Variants in CHRNA2 observed in about 807,000 individuals in gnomAD.
CHRNA2 encodes the protein neuronal acetylcholine receptor subunit alpha-2.
In CHRNA2, 40 loss-of-function variants were observed where a neutral mutation model predicts 45.5. That is an observed-to-expected ratio of 0.88 (90% confidence interval 0.68 to 1.15). CHRNA2 has a LOEUF of 1.15. Among genes scored for constraint, CHRNA2 ranks in the 50% most tolerant of loss-of-function variants. The probability of loss-of-function intolerance (pLI) is 0.00; values close to 1 mark genes in which losing one functional copy is unlikely to be tolerated. For synonymous variants in CHRNA2, 301 were observed against 296.7 expected (o/e 1.01, Z -0.15); for missense variants, 655 against 701.7 (o/e 0.93, Z 0.75).
In CHRNA2 at chr8:27,463,868, A is replaced by G; in HGVS notation, c.575T>C (p.Phe192Ser). The change falls in exon 6 of 7, where the codon TTC becomes TCC. Residue 192 changes from phenylalanine to serine, a missense_variant. Physicochemically the swap from Phe to Ser is radical, Grantham distance 155. Transcript: ENST00000407991. The surrounding 1 kb of genome is among the most constrained non-coding windows in gnomAD (Gnocchi z 6.1). The stretch of plus-strand genomic sequence containing the variant: ...CTTCATCTTGCAGTTCTGCTGGTCG[A>G]AGGGGAAGAAGGTGACGTCGATGCT... ...SCSIDVTFFP[F>S]DQQNCKMKFG... is the part of the protein sequence containing the mutation. 1 of 1,614,166 alleles carries G rather than the reference A, an allele frequency of 6.2e-7. No homozygotes were observed. The highest frequency in any genetic ancestry group is 8.5e-7 in the Non-Finnish European group (1 of 1,180,030).
At chr8:27,470,085 G>T in intron 2 of CHRNA2, 104 bp from the exon 3 acceptor site, 1 of 1,094,782 alleles carries the variant, frequency 9.1e-7, no homozygotes, top group Non-Finnish European at 1.3e-6. Flanking sequence ...GTTGAAGATG[G>T]CAGATGATAA....
Position 27,470,879 on chromosome 8 carries a change from C to T in CHRNA2, c.73+107G>A, listed in dbSNP as rs1563323791. 4 of 1,198,690 alleles carry T rather than the reference C, an allele frequency of 3.3e-6. No homozygotes were observed. The East Asian group carries it at 7.5e-5, about 23-fold the overall frequency. The allele number at this position is 1,198,690 out of a possible 1,614,324, so 74.3% of individuals were successfully genotyped here. On this transcript the variant is annotated intron_variant, in intron 2 of 6. Transcript: ENST00000407991. ...CCTGGCTGATGGCCTCTGAAGTCCCCTGCAGCTTTGACGGTTGCAACACAT... is the reference window on the plus strand; with the variant it reads ...CCTGGCTGATGGCCTCTGAAGTCCCTTGCAGCTTTGACGGTTGCAACACAT...
chr8:27,463,661 A>C lies in CHRNA2; in HGVS notation c.782T>G (p.Ile261Ser). The C allele has an allele frequency of 6.2e-7, 1 of 1,614,118 alleles. No individual in the cohort carries two copies. The highest frequency in any genetic ancestry group is 8.5e-7 in the Non-Finnish European group (1 of 1,180,024). ...GGTGTAGAAGAGCGGCAGCCGCCGGATGACGAAGGCGTAGGTGACGTCGGG... is the reference window on the plus strand; with the variant it reads ...GGTGTAGAAGAGCGGCAGCCGCCGGCTGACGAAGGCGTAGGTGACGTCGGG... ...IYPDVTYAFV[I>S]RRLPLFYTIN... The change falls in exon 6 of 7, where the codon ATC becomes AGC. Residue 261 changes from isoleucine (I) to serine (S), a missense_variant. Coordinates refer to ENST00000407991, the MANE Select transcript of CHRNA2 (RefSeq NM_000742.4). This position sits in a 1 kb window ranked among gnomAD's most constrained non-coding sequence, Gnocchi z 6.1.
chr8:27,470,095 A>C (rs917609296), intron 2 of CHRNA2, 114 bp from the exon 3 acceptor site: 52 of 1,010,714 alleles, frequency 5.1e-5, no homozygotes, highest in South Asian at 1.1e-4. Context: ...GCAGATGATA[A>C]TGTCTATCAG....
At chr8:27,469,647 CCCAAGTCACTGCTG>C in intron 3 of CHRNA2, 100 bp downstream of exon 3, 1 of 1,367,956 alleles carries the variant, frequency 7.3e-7, no homozygotes. Context: ...CCAACCCCAC[CCCAAGTCACTGCTG>C]TGCGTGAGGG....
intron 1 of CHRNA2, among the ~76,000 whole-genome samples, chr8:27,474,441 A>T (rs1297413845): frequency 3.3e-5 from 5 of 152,092 alleles, no homozygotes; most frequent in Non-Finnish European, 7.4e-5. Context: ...CCTACACCCC[A>T]TCCTGCCCTG....
intron 4 of CHRNA2, 116 bp from the exon 5 acceptor site, chr8:27,467,454 G>C: frequency 2.6e-6 from 2 of 767,212 alleles, no homozygotes; most frequent in African/African-American, 3.4e-5. Flanking sequence ...GAGCAGCCAG[G>C]GCTCCCCACC....
intron 2 of CHRNA2, among the ~76,000 whole-genome samples, chr8:27,470,671 G>A (rs1282009175): frequency 6.6e-6 from 1 of 152,250 alleles, no homozygotes; most frequent in Admixed American, 6.5e-5. Flanking sequence ...TGTCCCGAGT[G>A]CCTCCTGTAT....
chr8:27,467,942 A>C (rs1031377402), intron 4 of CHRNA2, among the ~76,000 whole-genome samples: 1 of 152,102 alleles, frequency 6.6e-6, no homozygotes, highest in African/African-American at 2.4e-5. Flanking sequence ...CCACCGACGC[A>C]GGTCCAAATC....
chr8:27,473,718 A>C (rs1182662178), intron 1 of CHRNA2, among the ~76,000 whole-genome samples: 1 of 152,104 alleles, frequency 6.6e-6, no homozygotes, highest in Non-Finnish European at 1.5e-5. Context: ...AAAAGAAAAT[A>C]AAAATAAAAG....
Position 27,459,984 on chromosome 8 carries a change from G to T in CHRNA2, c.*1645C>A, listed in dbSNP as rs1024281675. ...AGACCAGATGTGCCATGAGCAGGGG[G>T]GTTGTGGGAGAGAAGTGAGGCATGG... On this transcript the variant is annotated 3_prime_UTR_variant, in exon 7 of 7. Coordinates refer to ENST00000407991, the MANE Select transcript of CHRNA2 (RefSeq NM_000742.4). 2 of 152,828 alleles carry T rather than the reference G, an allele frequency of 1.3e-5. No individual in the cohort carries two copies. The highest frequency in any genetic ancestry group is 2.9e-5 in the Non-Finnish European group (2 of 68,544). The allele number at this position is 152,828 out of a possible 1,614,324, so 9.5% of individuals were successfully genotyped here. A position where few individuals can be genotyped will look rare whatever the true frequency, so the allele number is the denominator to read the frequency against.
chr8:27,471,127 A>T lies in CHRNA2; in HGVS notation c.-69T>A. On this transcript the variant is annotated 5_prime_UTR_variant, in exon 2 of 7. Transcript: ENST00000407991. ...GGGTTGCACCATGGACCATGTCCCC[A>T]GCAGAGCTGCTGCTGGATTCTGTGA... The T allele has an allele frequency of 7.1e-7, 1 of 1,411,336 alleles. No homozygotes were observed. 87.4% of individuals were successfully genotyped at this position (1,411,336 alleles called of 1,614,324 possible).
In CHRNA2 at chr8:27,461,145, C is replaced by T. The variant is rs998750870; in HGVS notation, c.*484G>A. 10 of 186,408 alleles carry T rather than the reference C, an allele frequency of 5.4e-5. No homozygotes were observed. In the South Asian group the frequency reaches 9.1e-4, roughly 17 times the overall value. The allele number at this position is 186,408 out of a possible 1,614,324, so 11.5% of individuals were successfully genotyped here. A position where few individuals can be genotyped will look rare whatever the true frequency, so the allele number is the denominator to read the frequency against. On this transcript the variant is annotated 3_prime_UTR_variant, in exon 7 of 7. Transcript: ENST00000407991. ...GAGACCTCACCTGGCTCTCCAACCT[C>T]CCACCTCACCTGGCTGTTCTCCCTG...
At chr8:27,464,833 G>T (rs1041198296) in intron 5 of CHRNA2, among the ~76,000 whole-genome samples, 17 of 152,128 alleles carry the variant, frequency 1.1e-4, no homozygotes, top group Admixed American at 8.5e-4. Context: ...CCAGAGCTGT[G>T]CAGAAGAGGA....
chr8:27,463,191 C>A lies in CHRNA2; in HGVS notation c.1252G>T (p.Glu418Ter). The change falls in exon 6 of 7, where the codon GAG (glutamate) becomes TAG (stop). Residue 418 changes from glutamate to a stop codon, truncating the protein, a stop_gained. Coordinates refer to ENST00000407991, the MANE Select transcript of CHRNA2 (RefSeq NM_000742.4). LOFTEE classifies it high-confidence loss of function. This position sits in a 1 kb window ranked among gnomAD's most constrained non-coding sequence, Gnocchi z 6.1. ...GCACATGCCCATCTGTCCTCCTCCT[C>A]CACCACCACCTCCCTCTCCTCGGCA... is the stretch of plus-strand genomic sequence containing the variant. Reference protein sequence around the residue: ...VDAEEREVVVEEEDRWACAGH... With the variant: ...VDAEEREVVV 6.3e-7 allele frequency: 1 copy of A among 1,590,946 alleles called. No homozygotes were observed. The highest frequency in any genetic ancestry group is 1.7e-5 in the Admixed American group (1 of 59,156).
At chr8:27,462,518 T>C (rs1230300742) in intron 6 of CHRNA2, among the ~76,000 whole-genome samples, 1 of 152,110 alleles carries the variant, frequency 6.6e-6, no homozygotes, top group Admixed American at 6.5e-5. Context: ...AGAGTGAAGT[T>C]TGCAAGATCC....
In CHRNA2 at chr8:27,463,393, G is replaced by A. The variant is rs763337219; in HGVS notation, c.1050C>T (p.Leu350=). The part of the protein sequence containing the change: ...TLSIVITVFV[L]NVHHRSPSTH... ...TGCTGGGGGAGCGGTGGTGCACATT[G>A]AGCACGAAGACGGTGATGACGATGG... Residue 350 remains leucine, a synonymous_variant, in exon 6 of 7, where the codon CTC becomes CTT. Transcript: ENST00000407991. This position sits in a 1 kb window ranked among gnomAD's most constrained non-coding sequence, Gnocchi z 6.1. 1.5e-5 allele frequency: 24 copies of A among 1,614,006 alleles called. No homozygotes were observed. Among genetic ancestry groups the A allele is most frequent in the Non-Finnish European group, 1.9e-5 (22 of 1,180,056 alleles).
intron 1 of CHRNA2, among the ~76,000 whole-genome samples, chr8:27,476,581 C>T (rs71519637): frequency 0.061 from 9,325 of 152,290 alleles, 405 homozygotes; most frequent in Non-Finnish European, 0.099. Context: ...ACCTGACAAT[C>T]ACAAAGCTGC....
chr8:27,464,110 C>G (rs1349639763), intron 5 of CHRNA2, 117 bp from the exon 6 acceptor site: 1 of 1,208,030 alleles, frequency 8.3e-7, no homozygotes, highest in Non-Finnish European at 1.2e-6. Context: ...GCCACACTGG[C>G]GGGGTTTATT....
Sources: gnomAD v4.1 joint callset for allele counts (sites outside exome capture counted in the v4.1 genomes callset) on GRCh38, gnomAD v4.1.1 for gene constraint, Gnocchi (gnomAD v3.1) non-coding constraint, MANE v1.5 for transcripts, NCBI Gene and HGNC (gene_info 2026-07-23, HGNC 2026-07-21) for gene names.